The following SPRTN variants were observed in gnomAD, a reference collection of about 807,000 sequenced individuals.
SPRTN encodes SprT-like N-terminal domain.
In SPRTN, 11 loss-of-function variants were observed where a neutral mutation model predicts 31.9. That is an observed-to-expected ratio of 0.34 (90% CI 0.22 to 0.57). The LOEUF is 0.57. SPRTN is among the 20% of genes least tolerant of loss of function. SPRTN has a pLI of 0.86. For missense variants in SPRTN, 482 were observed against 590.1 expected (o/e 0.82, Z 1.90); for synonymous variants, 185 against 212.1 (o/e 0.87, Z 1.11).
chr1:231,344,293 GC>G (rs1383662473), intron 2 of SPRTN, among the ~76,000 whole-genome samples: 1 of 152,148 alleles, frequency 6.6e-6, no homozygotes, highest in Non-Finnish European at 1.5e-5. Flanking sequence ...GATTGCTTGA[GC>G]CCAGGAGTTG....
At position 231,354,129 on chromosome 1, in the gene SPRTN, C is replaced by T; in HGVS notation, c.*768C>T. 1.0e-6 allele frequency: 1 copy of T among 985,160 alleles called. No homozygotes were observed. Among genetic ancestry groups the T allele is most frequent in the Non-Finnish European group, 1.2e-6 (1 of 829,744 alleles). The allele number at this position is 985,160 out of a possible 1,614,324, so 61.0% of individuals were successfully genotyped here. A position where few individuals can be genotyped will look rare whatever the true frequency, so the allele number is the denominator to read the frequency against. On this transcript the variant is annotated 3_prime_UTR_variant, in exon 5 of 5. Coordinates refer to ENST00000295050, the MANE Select transcript of SPRTN (RefSeq NM_032018.7). ...GCTGATAAGTAACTGATACATATAA[C>T]ATAAACATAACAAAGTTGCCTAGTT...
chr1:231,353,558 A>C lies in SPRTN; in HGVS notation c.*197A>C. 7.8e-7 allele frequency: 1 copy of C among 1,282,740 alleles called. No individual in the cohort carries two copies. Among genetic ancestry groups the C allele is most frequent in the Non-Finnish European group, 9.8e-7 (1 of 1,016,982 alleles). 79.5% of individuals were successfully genotyped at this position (1,282,740 alleles called of 1,614,324 possible). A position where few individuals can be genotyped will look rare whatever the true frequency, so the allele number is the denominator to read the frequency against. On this transcript the variant is annotated 3_prime_UTR_variant, in exon 5 of 5. Transcript: ENST00000295050. Reference sequence around the variant, plus strand: ...TTTTGTGTCTCAGGGTGCTACATTCACTCTTGCCTTAGGTATACTGTAACC... The same window carrying C: ...TTTTGTGTCTCAGGGTGCTACATTCCCTCTTGCCTTAGGTATACTGTAACC...
At chr1:231,339,287 T>G in intron 1 of SPRTN, 1 of 280,906 alleles carries the variant, frequency 3.6e-6, no homozygotes, top group Non-Finnish European at 6.9e-6. Flanking sequence ...CAGGCGTCTG[T>G]TATGATTTTG....
Position 231,353,193 on chromosome 1 carries a change from A to G in SPRTN, c.1302A>G (p.Pro434=), listed in dbSNP as rs375357639. The G allele has an allele frequency of 6.2e-5, 100 of 1,613,574 alleles. No homozygotes were observed. The highest frequency in any genetic ancestry group is 8.0e-5 in the African/African-American group (6 of 74,900). ...AAATAAAAAGCAGTGGTAATGATCC[A>G]AAGTATAGTACAACCACAGCTCAGA... ...KEQIKSSGND[P]KYSTTTAQNS... is the part of the protein sequence containing the mutation. The change falls in exon 5 of 5, where the codon CCA becomes CCG. Residue 434 remains proline (P), a synonymous_variant. Transcript: ENST00000295050.
intron 3 of SPRTN, among the ~76,000 whole-genome samples, chr1:231,349,234 T>C (rs577541739): frequency 3.9e-5 from 6 of 152,278 alleles, no homozygotes; most frequent in Admixed American, 1.3e-4. Flanking sequence ...CATCTCAGCC[T>C]CCCAAAGTGG....
chr1:231,354,993 A>G lies in SPRTN; in HGVS notation c.*1632A>G. ...AATTTTGATATTCCTTAAAGCATTA[A>G]AACATTTTAATAAATACTTATAAAT... On this transcript the variant is annotated 3_prime_UTR_variant, in exon 5 of 5. Coordinates refer to ENST00000295050, the MANE Select transcript of SPRTN (RefSeq NM_032018.7). The G allele has an allele frequency of 1.1e-6, 1 of 894,244 alleles. No homozygotes were observed. Among genetic ancestry groups the G allele is most frequent in the Non-Finnish European group, 1.3e-6 (1 of 746,818 alleles). The allele number at this position is 894,244 out of a possible 1,614,324, so 55.4% of individuals were successfully genotyped here.
rs1175689965 is a variant in SPRTN, at chr1:231,338,720, GGA to G, written c.221+118_221+119del. ...CGGTCCCAGGGGGCGTTAAATGAGG[GGA>G]GTCTGGTTTTGGACCTGGCAATTCC... On this transcript the variant is annotated intron_variant, in intron 1 of 4. Transcript: ENST00000295050. 11 of 1,252,692 alleles carry G rather than the reference GGA, an allele frequency of 8.8e-6. No individual in the cohort carries two copies. The East Asian group carries it at 2.6e-4, about 30-fold the overall frequency. 77.6% of individuals were successfully genotyped at this position (1,252,692 alleles called of 1,614,324 possible). A position where few individuals can be genotyped will look rare whatever the true frequency, so the allele number is the denominator to read the frequency against.
intron 2 of SPRTN, among the ~76,000 whole-genome samples, chr1:231,343,240 C>G (rs1686954291): frequency 6.6e-6 from 1 of 151,792 alleles, no homozygotes; most frequent in African/African-American, 2.4e-5. Flanking sequence ...GGTATATATA[C>G]TCTATAGCCT....
In SPRTN at chr1:231,353,971, T is replaced by G; in HGVS notation, c.*610T>G. On this transcript the variant is annotated 3_prime_UTR_variant, in exon 5 of 5. Coordinates refer to ENST00000295050, the MANE Select transcript of SPRTN (RefSeq NM_032018.7). The stretch of plus-strand genomic sequence containing the variant: ...GCAGCAGATTTTAAGTTAAAGAATA[T>G]GGAATATAGTAAAATAAGTAAATTT... 6.5e-6 allele frequency: 6 copies of G among 927,682 alleles called. No homozygotes were observed. The highest frequency in any genetic ancestry group is 7.7e-6 in the Non-Finnish European group (6 of 777,286). The allele number at this position is 927,682 out of a possible 1,614,324, so 57.5% of individuals were successfully genotyped here.
chr1:231,339,155 G>T (rs1413183312), intron 1 of SPRTN, among the ~76,000 whole-genome samples: 1 of 152,168 alleles, frequency 6.6e-6, no homozygotes, highest in Non-Finnish European at 1.5e-5. Flanking sequence ...CGTGAACAGG[G>T]TTAAGTTTAA....
chr1:231,339,670 G>A, intron 1 of SPRTN, 99 bp from the exon 2 acceptor site: 1 of 1,175,618 alleles, frequency 8.5e-7, no homozygotes, highest in South Asian at 1.2e-5. Context: ...TTTCATGAAA[G>A]CCATCTGCCA....
chr1:231,347,925 G>A lies in SPRTN; in HGVS notation c.450G>A (p.Thr150=). ...ACAGCCTGACTGGAGCCAATATAAC[G>A]GTATAGAAAGCCATATCTATTTATG... is the stretch of plus-strand genomic sequence containing the variant. ...RINSLTGANI[T]VYHTFHDEVD... is the part of the protein sequence containing the mutation. Residue 150 remains threonine (T), a splice_region_variant and synonymous_variant, in exon 3 of 5, where the codon ACG becomes ACA. Transcript: ENST00000295050. 5.0e-6 allele frequency: 8 copies of A among 1,606,026 alleles called. No individual in the cohort carries two copies. Among genetic ancestry groups the A allele is most frequent in the South Asian group, 1.1e-5 (1 of 89,290 alleles).
chr1:231,352,870 G>A lies in SPRTN; in HGVS notation c.979G>A (p.Val327Ile). The stretch of plus-strand genomic sequence containing the variant: ...TGCTGTTAGTAACAGTCACCAAAAT[G>A]TTCTAAGCAACTACTTTCCTAGAGT... ...SPAVSNSHQN[V>I]LSNYFPRVSF... The change falls in exon 5 of 5, where the codon GTT becomes ATT. Residue 327 changes from valine (V) to isoleucine (I), a missense_variant. Physicochemically the swap from Val to Ile is conservative, Grantham distance 29 (BLOSUM62 3). This residue lies in a region of SPRTN where 325 missense variants were observed against 350.2 expected (regional missense o/e 0.93). Coordinates refer to ENST00000295050, the MANE Select transcript of SPRTN (RefSeq NM_032018.7). 1 of 1,614,084 alleles carries A rather than the reference G, an allele frequency of 6.2e-7. No homozygotes were observed. Among genetic ancestry groups the A allele is most frequent in the Non-Finnish European group, 8.5e-7 (1 of 1,179,980 alleles).
chr1:231,346,192 T>C (rs1553345056), intron 2 of SPRTN, among the ~76,000 whole-genome samples: 47,519 of 108,840 alleles, frequency 0.44, 10,124 homozygotes, highest in Middle Eastern at 0.56. Flanking sequence ...TCTTTTTTTT[T>C]TTTTTTTTTT....
At chr1:231,341,734 C>G (rs568672248) in intron 2 of SPRTN, among the ~76,000 whole-genome samples, 3 of 152,260 alleles carry the variant, frequency 2.0e-5, no homozygotes, top group East Asian at 1.9e-4. Context: ...CGCCCATAAT[C>G]CCAGCACTTT....
At position 231,354,508 on chromosome 1, in the gene SPRTN, C is replaced by G. The variant is rs962834531; in HGVS notation, c.*1147C>G. On this transcript the variant is annotated 3_prime_UTR_variant, in exon 5 of 5. Coordinates refer to ENST00000295050, the MANE Select transcript of SPRTN (RefSeq NM_032018.7). ...ACCCGGATCAAGTTAGAGAACACTT[C>G]CATTGCCACAGAAGGCTTCCTATAG... 4.0e-6 allele frequency: 2 copies of G among 505,616 alleles called. No individual in the cohort carries two copies. Among genetic ancestry groups the G allele is most frequent in the Admixed American group, 1.3e-4 (2 of 15,712 alleles). The allele number at this position is 505,616 out of a possible 1,614,324, so 31.3% of individuals were successfully genotyped here. A position where few individuals can be genotyped will look rare whatever the true frequency, so the allele number is the denominator to read the frequency against.
At chr1:231,341,684 A>G (rs563749033) in intron 2 of SPRTN, among the ~76,000 whole-genome samples, 1 of 152,322 alleles carries the variant, frequency 6.6e-6, no homozygotes, top group South Asian at 2.1e-4. Flanking sequence ...AATTAGCAGA[A>G]GCAAAAAGAA....
In SPRTN at chr1:231,338,509, A is replaced by G. The variant is rs1230527476; in HGVS notation, c.126A>G (p.Thr42=). Residue 42 remains threonine (T), a synonymous_variant, in exon 1 of 5, where the codon ACA becomes ACG. Transcript: ENST00000295050. ...VDASWELVDP[T]PDLQALFVQF... is the part of the protein sequence containing the mutation. ...CGTCGTGGGAGTTGGTGGACCCCAC[A>G]CCGGACTTGCAGGCACTGTTTGTTC... 1.2e-6 allele frequency: 2 copies of G among 1,614,254 alleles called. No homozygotes were observed. Among genetic ancestry groups the G allele is most frequent in the African/African-American group, 1.3e-5 (1 of 75,056 alleles).
In SPRTN at chr1:231,353,067, G is replaced by C; in HGVS notation, c.1176G>C (p.Met392Ile). ...AAGTAACGGAATCAGCATCTGTGAT[G>C]CCATCCCAGGATGTGAGTGGGTCTG... ...SSKVTESASV[M>I]PSQDVSGSED... is the part of the protein sequence containing the mutation. Residue 392 changes from methionine (M) to isoleucine (I), a missense_variant, in exon 5 of 5, where the codon ATG becomes ATC. By Grantham distance (10) the Met-to-Ile change is conservative. Around this residue, in one of 2 missense-constraint regions of SPRTN, gnomAD observed 325 missense variants for 350.2 expected, o/e 0.93. Transcript: ENST00000295050. 1.2e-6 allele frequency: 2 copies of C among 1,614,156 alleles called. No individual in the cohort carries two copies. The highest frequency in any genetic ancestry group is 1.3e-5 in the African/African-American group (1 of 75,052).
Sources: gnomAD v4.1 joint callset for allele counts (sites outside exome capture counted in the v4.1 genomes callset) on GRCh38, gnomAD v4.1.1 for gene constraint, gnomAD v4.1.1 regional missense constraint, MANE v1.5 for transcripts, NCBI Gene and HGNC (gene_info 2026-07-23, HGNC 2026-07-21) for gene names.